Variants in DCAF8L2 observed in about 807,000 individuals in gnomAD.
DCAF8L2 encodes the protein DDB1 and CUL4 associated factor 8 like 2.
For missense variants in DCAF8L2, 430 were observed against 490.7 expected, an observed-to-expected ratio of 0.88 and a Z score of 1.17; for synonymous variants, 200 against 190.9, an observed-to-expected ratio of 1.05 and a Z score of -0.39.
the DCAF8L2 span, among the ~76,000 whole-genome samples, chrX:27,516,262 T>C: frequency 9.0e-6 from 1 of 111,233 alleles, no homozygotes; most frequent in Non-Finnish European, 1.9e-5. Flanking sequence ...CAGTAAGATA[T>C]AATGGAAATT....
At chrX:27,500,105 C>T in the DCAF8L2 span, among the ~76,000 whole-genome samples, 1 of 111,617 alleles carries the variant, frequency 9.0e-6, no homozygotes, top group Admixed American at 9.6e-5. Flanking sequence ...AAGATGTTAA[C>T]ATTGGAGGAA....
chrX:27,589,149 A>G (rs1381459412), upstream of DCAF8L2, among the ~76,000 whole-genome samples: 8 of 111,638 alleles, frequency 7.2e-5, no homozygotes, highest in Non-Finnish European at 1.3e-4. Flanking sequence ...TCTCAGACCA[A>G]AGATTATGGT....
intron 3 of DCAF8L2, among the ~76,000 whole-genome samples, chrX:27,699,623 G>T (rs1174167633): frequency 9.0e-6 from 1 of 111,638 alleles, no homozygotes; most frequent in Admixed American, 9.6e-5. Flanking sequence ...CGAAGTGGTA[G>T]CATCAAAGTA....
rs141663129 is a variant in DCAF8L2, at chrX:27,631,627, A to C, written c.-341-252A>C. 4.7e-3 allele frequency among the ~76,000 whole-genome samples: 523 copies of C among 111,631 alleles called. 2 individuals carry two copies. Among genetic ancestry groups the C allele is most frequent in the Non-Finnish European group, 8.7e-3 (461 of 53,127 alleles). ...TTTTTAGGCAGCACAGACTATATGT[A>C]TTATTCAACCTTGGAAGAAAGGTAT... is the stretch of plus-strand genomic sequence containing the variant. On this transcript the variant is annotated intron_variant, in intron 1 of 4. Coordinates refer to ENST00000451261, the MANE Select transcript of DCAF8L2 (RefSeq NM_001353450.2).
chrX:27,710,413 A>G (rs765771661), intron 3 of DCAF8L2, among the ~76,000 whole-genome samples: 60 of 111,738 alleles, frequency 5.4e-4, no homozygotes, highest in African/African-American at 1.9e-3. Context: ...TAGTCATCCA[A>G]TCCAGAATTA....
chrX:27,659,676 A>G (rs1929483756), intron 2 of DCAF8L2, among the ~76,000 whole-genome samples: 1 of 110,958 alleles, frequency 9.0e-6, no homozygotes, highest in Admixed American at 9.6e-5. Context: ...CCTTTCTTCA[A>G]GGTCAGAACA....
At chrX:27,656,699 T>A (rs1174976837) in intron 2 of DCAF8L2, among the ~76,000 whole-genome samples, 1 of 111,604 alleles carries the variant, frequency 9.0e-6, no homozygotes, top group East Asian at 2.8e-4. Flanking sequence ...ATAATATTCT[T>A]TTCTTAGGAT....
the DCAF8L2 span, among the ~76,000 whole-genome samples, chrX:27,579,008 A>G: frequency 8.9e-6 from 1 of 111,827 alleles, no homozygotes; most frequent in Non-Finnish European, 1.9e-5. Context: ...CGATTCCTCA[A>G]TGACCTAGAA....
At chrX:27,488,943 C>G in the DCAF8L2 span, among the ~76,000 whole-genome samples, 4 of 111,454 alleles carry the variant, frequency 3.6e-5, no homozygotes, top group African/African-American at 1.3e-4. Context: ...GATGGATACA[C>G]TAAAAATGAA....
At chrX:27,589,033 C>A (rs996963164), upstream of DCAF8L2, among the ~76,000 whole-genome samples, 1 of 111,780 alleles carries the variant, frequency 8.9e-6, no homozygotes, top group Admixed American at 9.5e-5. Flanking sequence ...ATTGGAAAGA[C>A]AATGGCTAAT....
At chrX:27,536,695 C>T in the DCAF8L2 span, among the ~76,000 whole-genome samples, 3 of 110,514 alleles carry the variant, frequency 2.7e-5, no homozygotes, top group East Asian at 5.8e-4. Flanking sequence ...CCAGTGGGCT[C>T]CCATCTCACA....
At chrX:27,551,050 A>G in the DCAF8L2 span, among the ~76,000 whole-genome samples, 1 of 110,272 alleles carries the variant, frequency 9.1e-6, no homozygotes, top group East Asian at 2.9e-4. Context: ...CCCATATAAG[A>G]CAATGAACTT....
the DCAF8L2 span, among the ~76,000 whole-genome samples, chrX:27,574,069 A>ATT: frequency 9.6e-6 from 1 of 104,270 alleles, no homozygotes; most frequent in Non-Finnish European, 2.0e-5. Flanking sequence ...GCCTCAAGTG[A>ATT]TTTTTTTTTT....
intron 4 of DCAF8L2, among the ~76,000 whole-genome samples, chrX:27,729,999 A>G (rs758029936): frequency 1.8e-5 from 2 of 111,843 alleles, no homozygotes; most frequent in East Asian, 2.8e-4. Flanking sequence ...TTACTGGTGG[A>G]ATTCATAATG....
chrX:27,511,857 G>A, the DCAF8L2 span, among the ~76,000 whole-genome samples: 1 of 112,025 alleles, frequency 8.9e-6, no homozygotes, highest in Non-Finnish European at 1.9e-5. Context: ...GCTTTTCTCT[G>A]TGCCGGTAGT....
At position 27,748,121 on chromosome X, in the gene DCAF8L2, A is replaced by G. The variant is rs781702266; in HGVS notation, c.1226A>G (p.Lys409Arg). 6.6e-6 allele frequency: 8 copies of G among 1,212,014 alleles called. No individual in the cohort carries two copies. The highest frequency in any genetic ancestry group is 8.9e-6 in the Non-Finnish European group (8 of 895,511). ...IDKKENNGVL[K>R]KFTPHHLVNC... ...AAGAAAGAAAACAATGGCGTGCTCAAGAAATTCACTCCTCATCATCTGGTT... is the reference window on the plus strand; with the variant it reads ...AAGAAAGAAAACAATGGCGTGCTCAGGAAATTCACTCCTCATCATCTGGTT... The change falls in exon 5 of 5, where the codon AAG becomes AGG. Residue 409 changes from lysine (K) to arginine (R), a missense_variant. By Grantham distance (26) the Lys-to-Arg change is conservative. Transcript: ENST00000451261.
intron 3 of DCAF8L2, among the ~76,000 whole-genome samples, chrX:27,704,797 A>T (rs1245162364): frequency 9.0e-6 from 1 of 111,527 alleles, no homozygotes; most frequent in Non-Finnish European, 1.9e-5. Flanking sequence ...ATAAATTTCA[A>T]AAATTAAGAC....
intron 3 of DCAF8L2, among the ~76,000 whole-genome samples, chrX:27,710,299 A>G (rs1931481701): frequency 9.0e-6 from 1 of 111,570 alleles, no homozygotes; most frequent in Non-Finnish European, 1.9e-5. Flanking sequence ...ACATCCTAAA[A>G]TCAATTTTCC....
chrX:27,474,323 C>G, the DCAF8L2 span, among the ~76,000 whole-genome samples: 29 of 112,177 alleles, frequency 2.6e-4, 1 homozygote, highest in East Asian at 7.9e-3. Flanking sequence ...TTATAGTCAT[C>G]TATCTCTACA....
Sources: allele counts gnomAD v4.1 joint callset (sites outside exome capture counted in the v4.1 genomes callset), GRCh38; gene constraint gnomAD v4.1.1; transcripts MANE v1.5; gene names NCBI Gene and HGNC (gene_info 2026-07-23, HGNC 2026-07-21).